The following TEAD1 variants were observed in gnomAD, a reference collection of about 807,000 sequenced individuals.
TEAD1 encodes transcriptional enhancer factor TEF-1.
A neutral mutation model predicts 54.9 loss-of-function variants in TEAD1; 9 were observed. The observed-to-expected ratio is 0.16, with a 90% CI of 0.10 to 0.29. The LOEUF is 0.29. Among genes scored for constraint, TEAD1 ranks in the 10% least tolerant of loss-of-function variants. The pLI is 1.00. For missense variants in TEAD1, 387 were observed against 535.9 expected (o/e 0.72, Z 2.74); for synonymous variants, 200 against 187.8 (o/e 1.07, Z -0.53).
intron 6 of TEAD1, 48 bp from the exon 7 acceptor site, chr11:12,880,957 C>T: frequency 6.2e-7 from 1 of 1,609,874 alleles, no homozygotes; most frequent in Non-Finnish European, 8.5e-7. Context: ...CTAAACTGTG[C>T]TTTGAAGTAA....
chr11:12,717,520 G>A (rs1281990086), intron 2 of TEAD1, among the ~76,000 whole-genome samples: 1 of 152,204 alleles, frequency 6.6e-6, no homozygotes, highest in African/African-American at 2.4e-5. Flanking sequence ...CCGCATGCTG[G>A]GAGATGGGTG....
chr11:12,811,670 A>C (rs924890918), intron 3 of TEAD1, among the ~76,000 whole-genome samples: 1 of 152,298 alleles, frequency 6.6e-6, no homozygotes, highest in East Asian at 1.9e-4. Context: ...GGTGGGACCC[A>C]GAAGTCCAGG....
chr11:12,777,151 T>G (rs1945442346), intron 3 of TEAD1, among the ~76,000 whole-genome samples: 1 of 152,132 alleles, frequency 6.6e-6, no homozygotes, highest in Non-Finnish European at 1.5e-5. Context: ...TCTTAGCCTT[T>G]TAGAACACAG....
chr11:12,734,530 C>T (rs775937220), intron 2 of TEAD1, among the ~76,000 whole-genome samples: 4 of 152,206 alleles, frequency 2.6e-5, no homozygotes, highest in Non-Finnish European at 4.4e-5. Context: ...CTCATTGACT[C>T]GCCCAGAGCA....
At chr11:12,825,206 A>T (rs1946627057) in intron 3 of TEAD1, among the ~76,000 whole-genome samples, 1 of 152,200 alleles carries the variant, frequency 6.6e-6, no homozygotes, top group Admixed American at 6.5e-5. Flanking sequence ...AGAGATGTCC[A>T]CTTTTGCTAC....
intron 2 of TEAD1, among the ~76,000 whole-genome samples, chr11:12,682,794 T>G (rs1317733120): frequency 6.6e-6 from 1 of 152,186 alleles, no homozygotes; most frequent in Non-Finnish European, 1.5e-5. Flanking sequence ...GTTTACAGAT[T>G]AGCAAGGAAA....
At chr11:12,924,815 A>C in intron 10 of TEAD1, 97 bp from the exon 11 acceptor site, 1 of 1,454,688 alleles carries the variant, frequency 6.9e-7, no homozygotes, top group Non-Finnish European at 9.7e-7. Context: ...AGCCCTCTTC[A>C]TTCAGCCAAG....
At chr11:12,795,884 C>T (rs2133968202) in intron 3 of TEAD1, among the ~76,000 whole-genome samples, 1 of 152,282 alleles carries the variant, frequency 6.6e-6, no homozygotes. Flanking sequence ...AGCCTTACCC[C>T]ACGCCATTGA....
At chr11:12,843,507 G>T (rs1947082127) in intron 3 of TEAD1, among the ~76,000 whole-genome samples, 1 of 152,210 alleles carries the variant, frequency 6.6e-6, no homozygotes, top group South Asian at 2.1e-4. Flanking sequence ...TAGCTTTGTT[G>T]TGGTTTTTTG....
chr11:12,859,850 C>T (rs1233427254), intron 3 of TEAD1, among the ~76,000 whole-genome samples: 1 of 151,900 alleles, frequency 6.6e-6, no homozygotes, highest in Non-Finnish European at 1.5e-5. Flanking sequence ...AAGACGAGCC[C>T]GTATGAAAAA....
chr11:12,813,419 T>C (rs895446291), intron 3 of TEAD1, among the ~76,000 whole-genome samples: 15 of 152,214 alleles, frequency 9.9e-5, no homozygotes, highest in African/African-American at 3.6e-4. Flanking sequence ...TGGATCATCT[T>C]CTGCCCTTCT....
intron 9 of TEAD1, among the ~76,000 whole-genome samples, chr11:12,884,996 A>G (rs1036161721): frequency 1.3e-5 from 2 of 152,184 alleles, no homozygotes; most frequent in African/African-American, 2.4e-5. Context: ...TGTTGTTTAC[A>G]GAGTACTTTG....
At chr11:12,804,898 A>G (rs1452239759) in intron 3 of TEAD1, among the ~76,000 whole-genome samples, 3 of 152,196 alleles carry the variant, frequency 2.0e-5, no homozygotes, top group South Asian at 4.1e-4. Context: ...CATTCAAAGG[A>G]TGGGGTGGAT....
intron 9 of TEAD1, among the ~76,000 whole-genome samples, chr11:12,885,337 G>A (rs1372459575): frequency 4.0e-5 from 6 of 149,524 alleles, no homozygotes; most frequent in Non-Finnish European, 7.4e-5. Context: ...CCGGGTTCAC[G>A]CCATTCTCCT....
Position 12,845,408 on chromosome 11 carries a change from A to G in TEAD1, c.203-16842A>G, listed in dbSNP as rs141766079. On this transcript the variant is annotated intron_variant, in intron 3 of 12. Transcript: ENST00000527636. ...TGTGTGTGTGCGCACACGCACACACAGTAGCTAGAAGTGTTAGTCTAGCAC... is the reference window on the plus strand; with the variant it reads ...TGTGTGTGTGCGCACACGCACACACGGTAGCTAGAAGTGTTAGTCTAGCAC... Among the ~76,000 whole-genome samples, 98 of 152,352 alleles carry G rather than the reference A, an allele frequency of 6.4e-4. 1 individual carries two copies. The highest frequency in any genetic ancestry group is 2.3e-3 in the African/African-American group (95 of 41,586).
At chr11:12,796,739 AT>A (rs1042557773) in intron 3 of TEAD1, among the ~76,000 whole-genome samples, 12 of 151,540 alleles carry the variant, frequency 7.9e-5, no homozygotes, top group African/African-American at 2.9e-4. Flanking sequence ...AAAAAAAAAA[AT>A]TTAGCAATTC....
intron 5 of TEAD1, chr11:12,879,338 G>A (rs1304833380): frequency 4.1e-6 from 2 of 486,876 alleles, no homozygotes; most frequent in African/African-American, 3.9e-5. Context: ...CCATCCGTTT[G>A]CTTAAAAGCA....
chr11:12,703,200 T>G (rs1943739460), intron 2 of TEAD1, among the ~76,000 whole-genome samples: 2 of 152,146 alleles, frequency 1.3e-5, no homozygotes, highest in African/African-American at 4.8e-5. Flanking sequence ...ACAGATGGAA[T>G]CTTTGTCACT....
intron 3 of TEAD1, among the ~76,000 whole-genome samples, chr11:12,820,954 G>C (rs2134002718): frequency 6.6e-6 from 1 of 152,296 alleles, no homozygotes; most frequent in East Asian, 1.9e-4. Flanking sequence ...ATGACAAAGG[G>C]CTTTAAGGCA....
Sources: gnomAD v4.1 joint callset for allele counts (sites outside exome capture counted in the v4.1 genomes callset) on GRCh38, gnomAD v4.1.1 for gene constraint, MANE v1.5 for transcripts, NCBI Gene and HGNC (gene_info 2026-07-23, HGNC 2026-07-21) for gene names.